Variants in AMMECR1L observed in about 807,000 individuals in gnomAD.
The protein encoded by AMMECR1L is AMMECR1-like protein.
A neutral mutation model predicts 36.8 loss-of-function variants in AMMECR1L; 4 were observed. The ratio of observed to expected loss-of-function variants is 0.11; its 90% CI spans 0.05 to 0.25. AMMECR1L has a LOEUF of 0.25. Ranked by LOEUF, AMMECR1L falls within the 10% of genes least tolerant of loss-of-function variation. The pLI is 1.00. For missense variants in AMMECR1L, 232 were observed against 392.1 expected (o/e 0.59, Z 3.45); for synonymous variants, 147 against 148.0 (o/e 0.99, Z 0.05).
In AMMECR1L at chr2:127,861,803, A is replaced by C. The variant is rs1348486085; in HGVS notation, c.*3291T>G. 1 of 152,258 alleles carries C rather than the reference A, an allele frequency of 6.6e-6. No individual in the cohort carries two copies. The highest frequency in any genetic ancestry group is 1.9e-4 in the East Asian group (1 of 5,202). The allele number at this position is 152,258 out of a possible 1,614,324, so 9.4% of individuals were successfully genotyped here. A position where few individuals can be genotyped will look rare whatever the true frequency, so the allele number is the denominator to read the frequency against. On this transcript the variant is annotated 3_prime_UTR_variant, in exon 8 of 8. Coordinates refer to ENST00000272647, the MANE Select transcript of AMMECR1L (RefSeq NM_001199140.2). ...TCAGGGAAGTAAGAACGAAATGAACAAAAAGAACACATAGCTCCCTAGGCT... is the reference window on the plus strand; with the variant it reads ...TCAGGGAAGTAAGAACGAAATGAACCAAAAGAACACATAGCTCCCTAGGCT...
At position 127,869,282 on chromosome 2, in the gene AMMECR1L, T is replaced by G. The variant is rs1053562703; in HGVS notation, c.724+172A>C. 1.3e-5 allele frequency among the ~76,000 whole-genome samples: 2 copies of G among 152,182 alleles called. No homozygotes were observed. The highest frequency in any genetic ancestry group is 4.8e-5 in the African/African-American group (2 of 41,432). On this transcript the variant is annotated intron_variant, in intron 6 of 7. Coordinates refer to ENST00000272647, the MANE Select transcript of AMMECR1L (RefSeq NM_001199140.2). This position sits in a 1 kb window ranked among gnomAD's most constrained non-coding sequence, Gnocchi z 4.7. ...TTTTGCTTTTCCCAGCTCCTAAACC[T>G]TTTTGGAAGTTTACCCTTGGTTCTA...
rs756538155 is a variant in AMMECR1L, at chr2:127,864,999, A to G, written c.*95T>C. The G allele has an allele frequency of 1.2e-5, 10 of 813,810 alleles. No individual in the cohort carries two copies. The highest frequency in any genetic ancestry group is 1.0e-5 in the Non-Finnish European group (5 of 498,388). 50.4% of individuals were successfully genotyped at this position (813,810 alleles called of 1,614,324 possible). A position where few individuals can be genotyped will look rare whatever the true frequency, so the allele number is the denominator to read the frequency against. ...TAGCATCATAAAATGGTGCAGTAAT[A>G]GAAGTAACTGGACCAGGAAGAGGAG... On this transcript the variant is annotated 3_prime_UTR_variant, in exon 8 of 8. Coordinates refer to ENST00000272647, the MANE Select transcript of AMMECR1L (RefSeq NM_001199140.2).
At position 127,874,767 on chromosome 2, in the gene AMMECR1L, C is replaced by T. The variant is rs1691147862; in HGVS notation, c.-38-495G>A. Among the ~76,000 whole-genome samples the T allele has an allele frequency of 6.6e-6, 1 of 152,218 alleles. No homozygotes were observed. ...TCACTAACTACAATCTATCTTCGTA[C>T]TTTCAGCCCCAAACCACAGCAAGGA... On this transcript the variant is annotated intron_variant, in intron 2 of 7. Coordinates refer to ENST00000272647, the MANE Select transcript of AMMECR1L (RefSeq NM_001199140.2). This position sits in a 1 kb window ranked among gnomAD's most constrained non-coding sequence, Gnocchi z 5.2.
rs746275595 is a variant in AMMECR1L at position 127,871,361 on chromosome 2, T to TA, written c.408-3dup. 1.2e-6 allele frequency: 2 copies of TA among 1,613,082 alleles called. No homozygotes were observed. The highest frequency in any genetic ancestry group is 4.5e-5 in the East Asian group (2 of 44,892). Reference sequence around the variant, plus strand: ...GTCTTCCACGTCACAAAGAGCGGACTAAAAAAAGCAAAACACAAAACATTC... The same window carrying TA: ...GTCTTCCACGTCACAAAGAGCGGACTAAAAAAAAGCAAAACACAAAACATTC... On this transcript the variant is annotated splice_polypyrimidine_tract_variant and splice_region_variant and intron_variant, in intron 3 of 7. Coordinates refer to ENST00000272647, the MANE Select transcript of AMMECR1L (RefSeq NM_001199140.2). The surrounding 1 kb of genome is among the most constrained non-coding windows in gnomAD (Gnocchi z 4.3).
chr2:127,866,918 T>C lies in AMMECR1L; in HGVS notation c.803A>G (p.Lys268Arg). Residue 268 changes from lysine (K) to arginine (R), a missense_variant, in exon 7 of 8, where the codon AAA becomes AGA. Coordinates refer to ENST00000272647, the MANE Select transcript of AMMECR1L (RefSeq NM_001199140.2). ...GGCTTACCTGGTGAGTTTGATCGTT[T>C]TTCTGAATTCACTGGTAATTGGAGC... ...FKAPITSEFR[K>R]TIKLTRYRSE... The C allele has an allele frequency of 3.1e-6, 5 of 1,614,262 alleles. No individual in the cohort carries two copies. The highest frequency in any genetic ancestry group is 4.2e-6 in the Non-Finnish European group (5 of 1,180,034).
rs538915371 is a variant in AMMECR1L, at chr2:127,869,322, G to A, written c.724+132C>T. 7.3e-6 allele frequency: 6 copies of A among 825,226 alleles called. No homozygotes were observed. The South Asian group carries it at 8.0e-5, about 11-fold the overall frequency. 51.1% of individuals were successfully genotyped at this position (825,226 alleles called of 1,614,324 possible). On this transcript the variant is annotated intron_variant, in intron 6 of 7. Transcript: ENST00000272647. This position sits in a 1 kb window ranked among gnomAD's most constrained non-coding sequence, Gnocchi z 4.7. The stretch of plus-strand genomic sequence containing the variant: ...CCTTGGTTCTATAGGAATTTGACAG[G>A]TATTAAGAGGCAGAAAGGCCCTCAT...
chr2:127,872,663 A>T (rs1471592086), intron 3 of AMMECR1L, among the ~76,000 whole-genome samples: 1 of 152,170 alleles, frequency 6.6e-6, no homozygotes, highest in Non-Finnish European at 1.5e-5. Context: ...GCAGCCCCAA[A>T]GCCTACTGAA....
chr2:127,876,280 G>T (rs958781756), intron 2 of AMMECR1L, among the ~76,000 whole-genome samples: 5 of 151,474 alleles, frequency 3.3e-5, no homozygotes, highest in Non-Finnish European at 7.4e-5. Flanking sequence ...AGCCCAGGGG[G>T]TTGAGGCTGC....
chr2:127,873,872 A>G lies in AMMECR1L; in HGVS notation c.363T>C (p.Tyr121=), dbSNP rs755734747. The G allele has an allele frequency of 1.9e-6, 3 of 1,614,224 alleles. No individual in the cohort carries two copies. The Admixed American group carries it at 5.0e-5, about 27-fold the overall frequency. ...YCFDVLYCHL[Y]GFPQPRLPRF... Reference sequence around the variant, plus strand: ...TAGGAAGTCGTGGCTGTGGGAAGCCATAGAGGTGACAGTAGAGTACGTCGA... The same window carrying G: ...TAGGAAGTCGTGGCTGTGGGAAGCCGTAGAGGTGACAGTAGAGTACGTCGA... Residue 121 remains tyrosine (Y), a synonymous_variant, in exon 3 of 8, where the codon TAT becomes TAC. Transcript: ENST00000272647. This position sits in a 1 kb window ranked among gnomAD's most constrained non-coding sequence, Gnocchi z 5.2.
In AMMECR1L at chr2:127,869,385, C is replaced by T. The variant is rs763621470; in HGVS notation, c.724+69G>A. On this transcript the variant is annotated intron_variant, in intron 6 of 7. Transcript: ENST00000272647. The surrounding 1 kb of genome is among the most constrained non-coding windows in gnomAD (Gnocchi z 4.7). The stretch of plus-strand genomic sequence containing the variant: ...TTGGGCTGCAAGATGACACACTTCA[C>T]TTTCTTGCCCTTTAACTGGCACCAC... The T allele has an allele frequency of 2.1e-6, 3 of 1,454,900 alleles. No individual in the cohort carries two copies. Among genetic ancestry groups the T allele is most frequent in the Non-Finnish European group, 2.9e-6 (3 of 1,036,220 alleles). 90.1% of individuals were successfully genotyped at this position (1,454,900 alleles called of 1,614,324 possible).
chr2:127,883,744 A>G (rs1691624592), intron 2 of AMMECR1L, among the ~76,000 whole-genome samples: 1 of 152,254 alleles, frequency 6.6e-6, no homozygotes, highest in Non-Finnish European at 1.5e-5. Context: ...GGGATTTTCA[A>G]GAAAATATCT....
In AMMECR1L at chr2:127,867,212, C is replaced by T. The variant is rs1690726856; in HGVS notation, c.725-216G>A. The T allele has an allele frequency of 3.0e-6, 3 of 985,370 alleles. No homozygotes were observed. The South Asian group carries it at 1.4e-4, about 46-fold the overall frequency. 61.0% of individuals were successfully genotyped at this position (985,370 alleles called of 1,614,324 possible). ...CATGAGATGATAGCCCGACACATGC[C>T]ATAATGGCTGTCCCCAGGCTCCCTG... On this transcript the variant is annotated intron_variant, in intron 6 of 7. Transcript: ENST00000272647.
rs779497258 is a variant in AMMECR1L at position 127,873,104 on chromosome 2, T to G, written c.407+724A>C. The G allele has an allele frequency of 2.3e-4, 228 of 985,204 alleles. No homozygotes were observed. The highest frequency in any genetic ancestry group is 2.6e-4 in the Non-Finnish European group (217 of 829,926). 61.0% of individuals were successfully genotyped at this position (985,204 alleles called of 1,614,324 possible). On this transcript the variant is annotated intron_variant, in intron 3 of 7. Transcript: ENST00000272647. This position sits in a 1 kb window ranked among gnomAD's most constrained non-coding sequence, Gnocchi z 5.2. The stretch of plus-strand genomic sequence containing the variant: ...TGAGGAATGAATAATCTCATATCAA[T>G]GAACACTCCAAAAGCATACCCCCAA...
intron 6 of AMMECR1L, 194 bp from the exon 7 acceptor site, chr2:127,867,190 G>A (rs1690725364): frequency 1.0e-6 from 1 of 985,376 alleles, no homozygotes; most frequent in African/African-American, 1.7e-5. Context: ...TCTGAGACAT[G>A]AGATGATAGC....
chr2:127,877,266 C>G (rs1256129518), intron 2 of AMMECR1L, among the ~76,000 whole-genome samples: 1 of 151,616 alleles, frequency 6.6e-6, no homozygotes, highest in African/African-American at 2.4e-5. Flanking sequence ...AAGCACTCAA[C>G]AAGGCAGATG....
chr2:127,881,221 C>A (rs1691486935), intron 2 of AMMECR1L, among the ~76,000 whole-genome samples: 1 of 151,772 alleles, frequency 6.6e-6, no homozygotes. Context: ...TTCAGAACTA[C>A]CCACTGGAGA....
chr2:127,869,354 C>T lies in AMMECR1L; in HGVS notation c.724+100G>A, dbSNP rs893553447. ...GAGGCAGAAAGGCCCTCATTCTCAGCTGCAGTTGGGCTGCAAGATGACACA... is the reference window on the plus strand; with the variant it reads ...GAGGCAGAAAGGCCCTCATTCTCAGTTGCAGTTGGGCTGCAAGATGACACA... On this transcript the variant is annotated intron_variant, in intron 6 of 7. Transcript: ENST00000272647. This position sits in a 1 kb window ranked among gnomAD's most constrained non-coding sequence, Gnocchi z 4.7. 4 of 1,129,238 alleles carry T rather than the reference C, an allele frequency of 3.5e-6. No homozygotes were observed. The highest frequency in any genetic ancestry group is 5.3e-6 in the Non-Finnish European group (4 of 749,810). 70.0% of individuals were successfully genotyped at this position (1,129,238 alleles called of 1,614,324 possible). A position where few individuals can be genotyped will look rare whatever the true frequency, so the allele number is the denominator to read the frequency against.
Position 127,864,633 on chromosome 2 carries a change from G to A in AMMECR1L, c.*461C>T, listed in dbSNP as rs1690604790. 1 of 152,578 alleles carries A rather than the reference G, an allele frequency of 6.6e-6. No individual in the cohort carries two copies. Among genetic ancestry groups the A allele is most frequent in the African/African-American group, 2.4e-5 (1 of 41,454 alleles). 9.5% of individuals were successfully genotyped at this position (152,578 alleles called of 1,614,324 possible). On this transcript the variant is annotated 3_prime_UTR_variant, in exon 8 of 8. Transcript: ENST00000272647. ...CAATAAACTGGAAGTTTAAAAAAAG[G>A]AATTTAAAACAACCTAAAAATGTTT...
rs1046060371 is a variant in AMMECR1L at position 127,873,409 on chromosome 2, G to A, written c.407+419C>T. On this transcript the variant is annotated intron_variant, in intron 3 of 7. Transcript: ENST00000272647. The surrounding 1 kb of genome is among the most constrained non-coding windows in gnomAD (Gnocchi z 5.2). ...TGAGGGGACCCCTGTTAACCAAATC[G>A]CAGATCCCAGTGAATGAGAGCTCCT... 9 of 985,282 alleles carry A rather than the reference G, an allele frequency of 9.1e-6. No homozygotes were observed. Among genetic ancestry groups the A allele is most frequent in the East Asian group, 2.3e-4 (2 of 8,806 alleles). The allele number at this position is 985,282 out of a possible 1,614,324, so 61.0% of individuals were successfully genotyped here.
Sources: gnomAD v4.1 joint callset for allele counts (sites outside exome capture counted in the v4.1 genomes callset) on GRCh38, gnomAD v4.1.1 for gene constraint, Gnocchi (gnomAD v3.1) non-coding constraint, MANE v1.5 for transcripts, NCBI Gene and HGNC (gene_info 2026-07-23, HGNC 2026-07-21) for gene names.